TC2N: variants seen among roughly 807,000 people sequenced by gnomAD.
TC2N encodes tandem C2 domains, nuclear.
TC2N carries 51 observed loss-of-function variants against 61.9 expected under a neutral mutation model. The observed-to-expected ratio is 0.82, with a 90% CI of 0.66 to 1.04. The LOEUF (loss-of-function observed/expected upper bound fraction) is 1.04, where lower values mean the gene tolerates loss of function less well. Among genes scored for constraint, TC2N ranks in the 50% least tolerant of loss-of-function variants. The probability of loss-of-function intolerance (pLI) is 0.00; values close to 1 mark genes in which losing one functional copy is unlikely to be tolerated. For missense variants in TC2N, 556 were observed against 566.7 expected (o/e 0.98, Z 0.19); for synonymous variants, 204 against 192.6 (o/e 1.06, Z -0.49).
At chr14:91,830,503 C>T (rs1457705287) in intron 1 of TC2N, among the ~76,000 whole-genome samples, 1 of 152,122 alleles carries the variant, frequency 6.6e-6, no homozygotes, top group African/African-American at 2.4e-5. Flanking sequence ...ATAGGCAAAT[C>T]CACAGAAATG....
At chr14:91,783,589 A>C (rs1339485218) in intron 11 of TC2N, among the ~76,000 whole-genome samples, 1 of 152,098 alleles carries the variant, frequency 6.6e-6, no homozygotes, top group Non-Finnish European at 1.5e-5. Flanking sequence ...GAGGCTAATC[A>C]TGATTCAAAT....
chr14:91,848,983 T>A lies in TC2N; in HGVS notation c.-57+18279A>T, dbSNP rs1031680652. Among the ~76,000 whole-genome samples, 4 of 152,334 alleles carry A rather than the reference T, an allele frequency of 2.6e-5. No individual in the cohort carries two copies. In the East Asian group the frequency reaches 7.7e-4, roughly 29 times the overall value. ...ATGAGGATTCCTTAGTTTTACTACG[T>A]GGCTTTTTCCTGTTTCTACCTTTGA... is the stretch of plus-strand genomic sequence containing the variant. On this transcript the variant is annotated intron_variant, in intron 1 of 11. Coordinates refer to ENST00000435962, the MANE Select transcript of TC2N (RefSeq NM_001128596.3).
At chr14:91,807,561 G>A (rs989344676) in intron 3 of TC2N, among the ~76,000 whole-genome samples, 5 of 152,210 alleles carry the variant, frequency 3.3e-5, no homozygotes, top group African/African-American at 1.2e-4. Context: ...CTTGCATGGG[G>A]CCCTTAGCCC....
At chr14:91,857,602 A>C (rs1456956148) in intron 1 of TC2N, among the ~76,000 whole-genome samples, 1 of 152,214 alleles carries the variant, frequency 6.6e-6, no homozygotes, top group Non-Finnish European at 1.5e-5. Context: ...CAGATGAGAA[A>C]AGTGAGGCTC....
chr14:91,781,828 G>C lies in TC2N; in HGVS notation c.*1272C>G, dbSNP rs577049014. The C allele has an allele frequency of 6.6e-6, 1 of 152,140 alleles. No individual in the cohort carries two copies. The allele number at this position is 152,140 out of a possible 1,614,324, so 9.4% of individuals were successfully genotyped here. On this transcript the variant is annotated 3_prime_UTR_variant, in exon 12 of 12. Transcript: ENST00000435962. Reference sequence around the variant, plus strand: ...GGAAAAGAGAATTAAGTGTTTATTTGGGAAAATGTTAATGATATACACAGA... The same window carrying C: ...GGAAAAGAGAATTAAGTGTTTATTTCGGAAAATGTTAATGATATACACAGA...
chr14:91,810,290 C>T (rs1261609296), intron 3 of TC2N, among the ~76,000 whole-genome samples: 1 of 152,098 alleles, frequency 6.6e-6, no homozygotes. Context: ...CAGGCCCCAC[C>T]TCCAACATTG....
At chr14:91,844,173 G>T (rs1888219842) in intron 1 of TC2N, among the ~76,000 whole-genome samples, 1 of 152,180 alleles carries the variant, frequency 6.6e-6, no homozygotes, top group African/African-American at 2.4e-5. Flanking sequence ...CAGGGTCTGT[G>T]AGGGCCAGAG....
At chr14:91,808,391 TAAC>T (rs922451030) in intron 3 of TC2N, among the ~76,000 whole-genome samples, 6 of 152,178 alleles carry the variant, frequency 3.9e-5, no homozygotes, top group Non-Finnish European at 5.9e-5. Flanking sequence ...TAAGATAGCT[TAAC>T]AACAACATTT....
chr14:91,857,411 G>C (rs1041967365), intron 1 of TC2N, among the ~76,000 whole-genome samples: 2 of 152,174 alleles, frequency 1.3e-5, no homozygotes, highest in Admixed American at 1.3e-4. Context: ...CCCAGGAACC[G>C]TTTATAAACC....
At chr14:91,793,591 G>C (rs1276228888) in intron 8 of TC2N, among the ~76,000 whole-genome samples, 3 of 152,014 alleles carry the variant, frequency 2.0e-5, no homozygotes, top group Non-Finnish European at 1.5e-5. Flanking sequence ...TATTATATCT[G>C]TTACGGTGAC....
chr14:91,798,299 C>T lies in TC2N; in HGVS notation c.738G>A (p.Gln246=). Residue 246 remains glutamine, a splice_region_variant and synonymous_variant, in exon 7 of 12, where the codon CAG becomes CAA. Transcript: ENST00000435962. ...GCTGGTATTAACTATACTAATTTAC[C>T]TGTAAAACTGTGATCCAGATCTGTT... is the stretch of plus-strand genomic sequence containing the variant. ...SVEQIWITVL[Q]CRDLSWPSSY... is the part of the protein sequence containing the mutation. 6.8e-7 allele frequency: 1 copy of T among 1,477,414 alleles called. No homozygotes were observed. Among genetic ancestry groups the T allele is most frequent in the Non-Finnish European group, 9.3e-7 (1 of 1,076,540 alleles). 91.5% of individuals were successfully genotyped at this position (1,477,414 alleles called of 1,614,324 possible). A position where few individuals can be genotyped will look rare whatever the true frequency, so the allele number is the denominator to read the frequency against.
chr14:91,845,448 A>C (rs1888252903), intron 1 of TC2N, among the ~76,000 whole-genome samples: 1 of 152,114 alleles, frequency 6.6e-6, no homozygotes. Flanking sequence ...TAAGTCACAG[A>C]TTTAGTTGGT....
chr14:91,798,451 C>A, intron 6 of TC2N, 52 bp from the exon 7 acceptor site: 2 of 977,988 alleles, frequency 2.0e-6, no homozygotes, highest in Admixed American at 2.3e-5. Context: ...TCCTTCTAAC[C>A]CAATTAAGCT....
intron 8 of TC2N, among the ~76,000 whole-genome samples, chr14:91,796,289 T>C (rs1360567323): frequency 6.6e-6 from 1 of 152,006 alleles, no homozygotes; most frequent in African/African-American, 2.4e-5. Flanking sequence ...TACACATTCA[T>C]ACACATATAC....
chr14:91,809,434 T>A (rs542643148), intron 3 of TC2N, among the ~76,000 whole-genome samples: 14 of 152,098 alleles, frequency 9.2e-5, no homozygotes, highest in African/African-American at 3.4e-4. Flanking sequence ...ATTTAAAATT[T>A]AAAAAATCAC....
In TC2N at chr14:91,781,010, CTG is replaced by C. The variant is rs2139813503; in HGVS notation, c.*2088_*2089del. The C allele has an allele frequency of 6.6e-6, 1 of 152,076 alleles. No homozygotes were observed. Among genetic ancestry groups the C allele is most frequent in the African/African-American group, 2.4e-5 (1 of 41,480 alleles). The allele number at this position is 152,076 out of a possible 1,614,324, so 9.4% of individuals were successfully genotyped here. ...TTTATTTACCTAGGATTCTAAGAAA[CTG>C]AGAAGTCATAGCTTTCCCTTAAATT... On this transcript the variant is annotated 3_prime_UTR_variant, in exon 12 of 12. Coordinates refer to ENST00000435962, the MANE Select transcript of TC2N (RefSeq NM_001128596.3).
Position 91,792,371 on chromosome 14 carries a change from A to G in TC2N, c.1043T>C (p.Ile348Thr). The change falls in exon 9 of 12, where the codon ATT (isoleucine) becomes ACT (threonine). Residue 348 changes from isoleucine to threonine, a missense_variant. By Grantham distance (89) the Ile-to-Thr change is moderately conservative. Transcript: ENST00000435962. ...YSLDITPPSK[I>T]SVCHAELELG... ...TAACATACTATTATCGCTTACAGAA[A>G]TTTTTGAAGGTGGTGTTATATCCAA... 1 of 1,585,252 alleles carries G rather than the reference A, an allele frequency of 6.3e-7. No individual in the cohort carries two copies.
chr14:91,845,127 C>A (rs1595273942), intron 1 of TC2N, among the ~76,000 whole-genome samples: 1 of 150,914 alleles, frequency 6.6e-6, no homozygotes, highest in Non-Finnish European at 1.5e-5. Context: ...ACTCGGGAGG[C>A]TGAAGCAGGA....
chr14:91,802,560 C>T (rs1207667956), intron 3 of TC2N, 139 bp from the exon 4 acceptor site: 34 of 721,810 alleles, frequency 4.7e-5, no homozygotes, highest in Non-Finnish European at 7.4e-5. Context: ...CTAAAAAGAT[C>T]AGCACATATT....
Sources: gnomAD v4.1 joint callset for allele counts (sites outside exome capture counted in the v4.1 genomes callset) on GRCh38, gnomAD v4.1.1 for gene constraint, MANE v1.5 for transcripts, NCBI Gene and HGNC (gene_info 2026-07-23, HGNC 2026-07-21) for gene names.